Variants in CNTLN observed in about 807,000 individuals in gnomAD.
CNTLN encodes centlein, also known as centlein, centrosomal protein.
CNTLN carries 212 observed loss-of-function variants against 180.0 expected under a neutral mutation model. The ratio of observed to expected loss-of-function variants is 1.18; its 90% confidence interval spans 1.05 to 1.32. The LOEUF (loss-of-function observed/expected upper bound fraction) is 1.32. Ranked by LOEUF, CNTLN falls within the 40% of genes most tolerant of loss-of-function variation. The probability of loss-of-function intolerance (pLI) is 0.00; values close to 1 mark genes in which losing one functional copy is unlikely to be tolerated. For missense variants in CNTLN, 2,095 were observed against 1,610.9 expected, an observed-to-expected ratio of 1.30 and a Z score of -5.14; for synonymous variants, 722 against 563.1, an observed-to-expected ratio of 1.28 and a Z score of -3.99.
chr9:17,293,595 C>G (rs1294713012), intron 6 of CNTLN, among the ~76,000 whole-genome samples: 1 of 152,224 alleles, frequency 6.6e-6, no homozygotes, highest in Non-Finnish European at 1.5e-5. Flanking sequence ...GTGGGGAATT[C>G]CATCTGGGTC....
chr9:17,233,910 A>T (rs75466327), intron 3 of CNTLN, among the ~76,000 whole-genome samples: 7,855 of 152,216 alleles, frequency 0.052, 254 homozygotes, highest in East Asian at 0.17. Context: ...TCAGGGTTTC[A>T]GGATAATGCT....
intron 10 of CNTLN, among the ~76,000 whole-genome samples, chr9:17,333,261 C>T (rs1355070102): frequency 2.0e-5 from 3 of 152,036 alleles, no homozygotes; most frequent in South Asian, 2.1e-4. Context: ...TGTATGTTAT[C>T]GACCAGTCTT....
At chr9:17,454,385 CG>C (rs764112843) in intron 18 of CNTLN, among the ~76,000 whole-genome samples, 1 of 152,056 alleles carries the variant, frequency 6.6e-6, no homozygotes, top group Non-Finnish European at 1.5e-5. Flanking sequence ...AGACTGTAGA[CG>C]GATTGCACTG....
Position 17,394,836 on chromosome 9 carries a change from A to T in CNTLN, c.2382A>T (p.Pro794=), listed in dbSNP as rs1295492472. ...ATGAAAATGAAGAGCTGATCAACCC[A>T]ATGGAGAAATCACACCAGTCAGCAG... ...LRNENEELIN[P]MEKSHQSADR... is the part of the protein sequence containing the mutation. The change falls in exon 15 of 26, where the codon CCA becomes CCT. Residue 794 remains proline (P), a synonymous_variant. Coordinates refer to ENST00000380647, the MANE Select transcript of CNTLN (RefSeq NM_017738.4). 5.6e-6 allele frequency: 9 copies of T among 1,613,876 alleles called. No individual in the cohort carries two copies. The highest frequency in any genetic ancestry group is 7.6e-6 in the Non-Finnish European group (9 of 1,179,970).
At chr9:17,270,380 T>G (rs1827844701) in intron 5 of CNTLN, among the ~76,000 whole-genome samples, 1 of 152,166 alleles carries the variant, frequency 6.6e-6, no homozygotes, top group Non-Finnish European at 1.5e-5. Context: ...CTTCATATTT[T>G]TTTCCTTTAA....
chr9:17,425,137 G>A (rs894366444), intron 18 of CNTLN, among the ~76,000 whole-genome samples: 1 of 152,118 alleles, frequency 6.6e-6, no homozygotes, highest in African/African-American at 2.4e-5. Flanking sequence ...ATCTCTCAAT[G>A]TTTGTTTAAA....
At position 17,205,479 on chromosome 9, in the gene CNTLN, G is replaced by A. The variant is rs547448059; in HGVS notation, c.450-20724G>A. ...AGCCTGGGCACCAGAGTCGGACACC[G>A]AACTCACCAGACCATGATGTCTTTA... On this transcript the variant is annotated intron_variant, in intron 2 of 25. Transcript: ENST00000380647. Among the ~76,000 whole-genome samples, 53 of 152,212 alleles carry A rather than the reference G, an allele frequency of 3.5e-4. 1 individual carries two copies. The highest frequency in any genetic ancestry group is 1.3e-3 in the African/African-American group (52 of 41,528).
chr9:17,432,439 C>CTA (rs1325033879), intron 18 of CNTLN, among the ~76,000 whole-genome samples: 1 of 151,906 alleles, frequency 6.6e-6, no homozygotes, highest in Non-Finnish European at 1.5e-5. Flanking sequence ...AGGGAAATGA[C>CTA]TAGATGATAG....
intron 18 of CNTLN, among the ~76,000 whole-genome samples, chr9:17,419,126 TTTG>T: frequency 6.6e-6 from 1 of 152,186 alleles, no homozygotes; most frequent in Middle Eastern, 3.4e-3. Context: ...TGTTTGTTTG[TTTG>T]TTTTTTTTAC....
intron 25 of CNTLN, among the ~76,000 whole-genome samples, chr9:17,490,578 G>A (rs1411344783): frequency 6.6e-6 from 1 of 151,934 alleles, no homozygotes; most frequent in African/African-American, 2.4e-5. Context: ...GCCAGAGGCT[G>A]GGGGGATATA....
chr9:17,380,355 G>C (rs756199708), intron 13 of CNTLN, among the ~76,000 whole-genome samples: 14 of 152,156 alleles, frequency 9.2e-5, no homozygotes, highest in Non-Finnish European at 1.3e-4. Flanking sequence ...GAGGTTTCTC[G>C]AGAAACACCT....
intron 2 of CNTLN, among the ~76,000 whole-genome samples, chr9:17,155,429 C>G (rs559975587): frequency 2.0e-5 from 3 of 152,334 alleles, no homozygotes; most frequent in South Asian, 2.1e-4. Flanking sequence ...AAGCCCCTGA[C>G]TGGGGCTGCT....
intron 7 of CNTLN, among the ~76,000 whole-genome samples, chr9:17,302,323 C>T (rs376700411): frequency 3.3e-5 from 5 of 151,968 alleles, no homozygotes; most frequent in Non-Finnish European, 7.4e-5. Flanking sequence ...TTAGCCTCCC[C>T]AGTAGCTGGG....
At chr9:17,232,750 G>A (rs1477162260) in intron 3 of CNTLN, among the ~76,000 whole-genome samples, 2 of 151,958 alleles carry the variant, frequency 1.3e-5, no homozygotes, top group African/African-American at 4.8e-5. Flanking sequence ...GTAGTTTGTT[G>A]TGTATCAAAT....
chr9:17,169,912 CT>C (rs996560333), intron 2 of CNTLN, among the ~76,000 whole-genome samples: 119 of 152,002 alleles, frequency 7.8e-4, no homozygotes, highest in African/African-American at 2.8e-3. Context: ...AATTTTATGA[CT>C]TTTTTTCACT....
chr9:17,263,660 C>A (rs1827183186), intron 5 of CNTLN, among the ~76,000 whole-genome samples: 1 of 145,114 alleles, frequency 6.9e-6, no homozygotes, highest in Non-Finnish European at 1.5e-5. Flanking sequence ...GTTCCACCAA[C>A]AGTGTAAAAG....
chr9:17,337,002 C>G (rs925342701), intron 10 of CNTLN, among the ~76,000 whole-genome samples: 9 of 152,156 alleles, frequency 5.9e-5, no homozygotes, highest in African/African-American at 1.9e-4. Flanking sequence ...TTAATGATCA[C>G]CATTCTAACT....
intron 5 of CNTLN, among the ~76,000 whole-genome samples, chr9:17,264,269 C>T (rs1467640579): frequency 6.7e-6 from 1 of 149,986 alleles, no homozygotes; most frequent in Non-Finnish European, 1.5e-5. Flanking sequence ...TATGGCTAGC[C>T]AGTTTTCCCA....
At chr9:17,306,426 G>C (rs1818721003) in intron 7 of CNTLN, among the ~76,000 whole-genome samples, 1 of 152,234 alleles carries the variant, frequency 6.6e-6, no homozygotes, top group Non-Finnish European at 1.5e-5. Context: ...TGGGATTACG[G>C]ATGTGAGCCA....
Sources: gnomAD v4.1 joint callset for allele counts (sites outside exome capture counted in the v4.1 genomes callset) on GRCh38, gnomAD v4.1.1 for gene constraint, MANE v1.5 for transcripts, NCBI Gene and HGNC (gene_info 2026-07-23, HGNC 2026-07-21) for gene names.